Variants in GLCE observed in about 807,000 individuals in gnomAD.
GLCE encodes D-glucuronyl C5-epimerase.
A neutral mutation model predicts 47.9 loss-of-function variants in GLCE; 19 were observed. That is an observed-to-expected ratio of 0.40 (90% CI 0.28 to 0.58). The LOEUF (loss-of-function observed/expected upper bound fraction) is 0.58, where lower values mean the gene tolerates loss of function less well. Ranked by LOEUF, GLCE falls within the 20% of genes least tolerant of loss-of-function variation. GLCE has a pLI of 0.48. For missense variants in GLCE, 556 were observed against 743.3 expected (o/e 0.75, Z 2.93); for synonymous variants, 245 against 263.4 (o/e 0.93, Z 0.68).
chr15:69,170,863 G>A (rs2051578927), intron 1 of GLCE, among the ~76,000 whole-genome samples: 1 of 152,266 alleles, frequency 6.6e-6, no homozygotes, highest in South Asian at 2.1e-4. Context: ...CTGTAGTACT[G>A]TTCCAAAGTG....
intron 2 of GLCE, among the ~76,000 whole-genome samples, chr15:69,220,549 C>T (rs1004281431): frequency 6.6e-6 from 1 of 152,044 alleles, no homozygotes; most frequent in Non-Finnish European, 1.5e-5. Flanking sequence ...AGCATCTTTT[C>T]ATGTGTTTCT....
chr15:69,198,690 G>A (rs996962734), intron 1 of GLCE, among the ~76,000 whole-genome samples: 19 of 152,088 alleles, frequency 1.2e-4, no homozygotes, highest in African/African-American at 4.1e-4. Flanking sequence ...CCTAATCACA[G>A]AAGTGACTTC....
At chr15:69,243,057 CAAA>C (rs547412078) in intron 2 of GLCE, among the ~76,000 whole-genome samples, 104 of 42,310 alleles carry the variant, frequency 2.5e-3, no homozygotes, top group African/African-American at 7.6e-3. Flanking sequence ...AGATCCTGTC[CAAA>C]AAAAAAAAAA....
chr15:69,163,308 G>A (rs1257431549), intron 1 of GLCE, among the ~76,000 whole-genome samples: 3 of 152,108 alleles, frequency 2.0e-5, no homozygotes, highest in African/African-American at 2.4e-5. Flanking sequence ...GTGTCACAGC[G>A]CTGGATGTAC....
At chr15:69,172,915 A>G (rs1256669269) in intron 1 of GLCE, among the ~76,000 whole-genome samples, 1 of 152,196 alleles carries the variant, frequency 6.6e-6, no homozygotes, top group Non-Finnish European at 1.5e-5. Context: ...AAGATTTTAT[A>G]TTTGGTGTGT....
At chr15:69,237,467 G>A (rs2052609448) in intron 2 of GLCE, among the ~76,000 whole-genome samples, 1 of 151,884 alleles carries the variant, frequency 6.6e-6, no homozygotes, top group South Asian at 2.1e-4. Flanking sequence ...GCATGGTGGC[G>A]CACACCTGTA....
chr15:69,188,732 T>C (rs59633777), intron 1 of GLCE, among the ~76,000 whole-genome samples: 18,655 of 152,176 alleles, frequency 0.12, 1,204 homozygotes, highest in East Asian at 0.16. Flanking sequence ...TTAATGTCTG[T>C]CTTTAATTTA....
At chr15:69,202,528 G>A (rs11633638) in intron 1 of GLCE, among the ~76,000 whole-genome samples, 78,756 of 151,960 alleles carry the variant, frequency 0.52, 23,498 homozygotes, top group Admixed American at 0.65. Context: ...CTTACCAATC[G>A]TTAAATGCCT....
intron 2 of GLCE, among the ~76,000 whole-genome samples, chr15:69,253,860 A>G (rs2052883361): frequency 6.6e-6 from 1 of 152,196 alleles, no homozygotes; most frequent in African/African-American, 2.4e-5. Context: ...ATGATTTAAG[A>G]CAGTAAAGTA....
intron 2 of GLCE, among the ~76,000 whole-genome samples, chr15:69,221,260 GT>G (rs1462933819): frequency 6.6e-5 from 10 of 152,074 alleles, no homozygotes; most frequent in Non-Finnish European, 1.5e-4. Context: ...TTTTGGTTAG[GT>G]TTTTCTATTT....
chr15:69,220,107 G>A (rs188183236), intron 2 of GLCE, among the ~76,000 whole-genome samples: 8 of 151,954 alleles, frequency 5.3e-5, no homozygotes, highest in African/African-American at 1.7e-4. Flanking sequence ...CACATTTTAC[G>A]TATTCATTCC....
intron 1 of GLCE, among the ~76,000 whole-genome samples, chr15:69,172,716 C>T (rs1330305549): frequency 1.3e-5 from 2 of 152,284 alleles, no homozygotes; most frequent in African/African-American, 4.8e-5. Context: ...AATTAAACTG[C>T]AGTACATTCT....
rs566144223 is a variant in GLCE at position 69,205,733 on chromosome 15, T to C, written c.-104-4583T>C. Among the ~76,000 whole-genome samples the C allele has an allele frequency of 1.1e-4, 16 of 152,232 alleles. No homozygotes were observed. The South Asian group carries it at 3.3e-3, about 32-fold the overall frequency. ...TGATAATGAGTTTCATTTTTCACTT[T>C]CCTGATAGCTAGTGATGTTGCGCAT... is the stretch of plus-strand genomic sequence containing the variant. On this transcript the variant is annotated intron_variant, in intron 1 of 4. Transcript: ENST00000261858.
At chr15:69,192,739 T>C (rs1210479264) in intron 1 of GLCE, among the ~76,000 whole-genome samples, 2 of 152,120 alleles carry the variant, frequency 1.3e-5, no homozygotes, top group African/African-American at 4.8e-5. Flanking sequence ...TTATGCAGCT[T>C]CAGGGAGAAT....
intron 2 of GLCE, among the ~76,000 whole-genome samples, chr15:69,231,190 T>A (rs971451924): frequency 6.6e-6 from 1 of 152,206 alleles, no homozygotes; most frequent in Non-Finnish European, 1.5e-5. Flanking sequence ...GATTTTATTA[T>A]ACTTTAGACT....
At position 69,263,854 on chromosome 15, in the gene GLCE, T is replaced by C. The variant is rs374474524; in HGVS notation, c.829+2525T>C. ...AACAGTTTTTGTTGGATGTGAAACA[T>C]TGATTTAAAGGCTTTTTTTCCCAGC... On this transcript the variant is annotated intron_variant, in intron 4 of 4. Transcript: ENST00000261858. 1.6e-3 allele frequency among the ~76,000 whole-genome samples: 236 copies of C among 152,060 alleles called. 1 individual carries two copies. Among genetic ancestry groups the C allele is most frequent in the Non-Finnish European group, 2.8e-3 (189 of 68,036 alleles).
intron 2 of GLCE, among the ~76,000 whole-genome samples, chr15:69,240,962 C>T (rs142711166): frequency 3.3e-5 from 5 of 152,290 alleles, no homozygotes; most frequent in African/African-American, 1.2e-4. Context: ...GCCTGCAATT[C>T]GAGCAGGCTT....
chr15:69,264,556 G>A (rs1321753330), intron 4 of GLCE, among the ~76,000 whole-genome samples: 1 of 152,136 alleles, frequency 6.6e-6, no homozygotes, highest in Non-Finnish European at 1.5e-5. Flanking sequence ...TGTATACCAG[G>A]AAGTGGGATT....
chr15:69,218,352 A>C lies in GLCE; in HGVS notation c.-14+7946A>C, dbSNP rs1468420757. On this transcript the variant is annotated intron_variant, in intron 2 of 4. Transcript: ENST00000261858. ...TGGTGAAACCCCATCTCTGCCAAAA[A>C]AATACAAAAAAATTGGCTGGGTGTA... 2.6e-5 allele frequency among the ~76,000 whole-genome samples: 4 copies of C among 151,808 alleles called. No homozygotes were observed. In the East Asian group the frequency reaches 7.8e-4, roughly 30 times the overall value.
Sources: allele counts gnomAD v4.1 joint callset (sites outside exome capture counted in the v4.1 genomes callset), GRCh38; gene constraint gnomAD v4.1.1; transcripts MANE v1.5; gene names NCBI Gene and HGNC (gene_info 2026-07-23, HGNC 2026-07-21).